Variants in PPP1R9A observed in about 807,000 individuals in gnomAD.
PPP1R9A encodes protein phosphatase 1 regulatory subunit 9A.
PPP1R9A carries 59 observed loss-of-function variants against 141.9 expected under a neutral mutation model. The ratio of observed to expected loss-of-function variants is 0.42; its 90% confidence interval spans 0.34 to 0.52. The LOEUF (loss-of-function observed/expected upper bound fraction) is 0.52. Among genes scored for constraint, PPP1R9A ranks in the 20% least tolerant of loss-of-function variants. The pLI is 0.10. For missense variants in PPP1R9A, 1,444 were observed against 1,611.9 expected (o/e 0.90, Z 1.78); for synonymous variants, 500 against 569.7 (o/e 0.88, Z 1.74).
At chr7:94,924,563 C>G (rs1793224094) in intron 2 of PPP1R9A, among the ~76,000 whole-genome samples, 1 of 152,172 alleles carries the variant, frequency 6.6e-6, no homozygotes, top group South Asian at 2.1e-4. Flanking sequence ...GAGTCTTGCT[C>G]TGTTGCCCAG....
In PPP1R9A at chr7:95,269,344, C is replaced by T. The variant is rs1801795866; in HGVS notation, c.2961C>T (p.Asp987=). 1 of 1,598,548 alleles carries T rather than the reference C, an allele frequency of 6.3e-7. No homozygotes were observed. Among genetic ancestry groups the T allele is most frequent in the Non-Finnish European group, 8.5e-7 (1 of 1,179,432 alleles). Residue 987 remains aspartate, a synonymous_variant, in exon 14 of 20, where the codon GAC becomes GAT. Coordinates refer to ENST00000433360, the MANE Select transcript of PPP1R9A (RefSeq NM_001166160.2). ...PVDSNVPFSS[D]HIAEFQEEPL... ...ATAGCAATGTGCCCTTCTCGTCTGA[C>T]CACATAGCTGAATTTCAAGAAGAAC...
At chr7:95,037,701 G>A (rs753822751) in intron 2 of PPP1R9A, among the ~76,000 whole-genome samples, 7 of 151,994 alleles carry the variant, frequency 4.6e-5, no homozygotes, top group Admixed American at 1.3e-4. Context: ...GTGTGTGTGC[G>A]TGCGCGCGTG....
intron 2 of PPP1R9A, among the ~76,000 whole-genome samples, chr7:95,099,827 C>T (rs1213282659): frequency 6.6e-6 from 1 of 152,008 alleles, no homozygotes; most frequent in Non-Finnish European, 1.5e-5. Flanking sequence ...TAAAAAAATA[C>T]TTTTCAAGTA....
intron 3 of PPP1R9A, among the ~76,000 whole-genome samples, chr7:95,111,848 G>C (rs370961257): frequency 2.6e-5 from 4 of 152,102 alleles, no homozygotes; most frequent in East Asian, 3.9e-4. Flanking sequence ...GAGGGGAGAA[G>C]GTTGAAAGAG....
chr7:95,031,622 G>T (rs1223823756), intron 2 of PPP1R9A, among the ~76,000 whole-genome samples: 3 of 151,980 alleles, frequency 2.0e-5, no homozygotes, highest in African/African-American at 4.8e-5. Flanking sequence ...TAGGCCTGAT[G>T]GTGTACACCT....
intron 2 of PPP1R9A, among the ~76,000 whole-genome samples, chr7:94,941,110 A>T (rs1484977934): frequency 6.6e-6 from 1 of 152,168 alleles, no homozygotes; most frequent in Non-Finnish European, 1.5e-5. Flanking sequence ...TAAAATTCAG[A>T]AGTCGCAGGA....
Position 95,124,800 on chromosome 7 carries a change from T to G in PPP1R9A, c.1649+3968T>G, listed in dbSNP as rs116045158. ...TCAAGGAATGTTAAATGAGCAGACA[T>G]GTATACATAGAAAGTTTTTTTTCTC... On this transcript the variant is annotated intron_variant, in intron 4 of 19. Coordinates refer to ENST00000433360, the MANE Select transcript of PPP1R9A (RefSeq NM_001166160.2). 8.7e-3 allele frequency among the ~76,000 whole-genome samples: 1,331 copies of G among 152,250 alleles called. 15 individuals carry two copies. The highest frequency in any genetic ancestry group is 0.031 in the African/African-American group (1,278 of 41,548).
intron 2 of PPP1R9A, among the ~76,000 whole-genome samples, chr7:95,037,950 T>TAAA (rs11438513): frequency 1.6e-4 from 22 of 140,108 alleles, no homozygotes; most frequent in African/African-American, 3.9e-4. Context: ...CAAAATAATT[T>TAAA]AAAAAAAAAA....
intron 2 of PPP1R9A, among the ~76,000 whole-genome samples, chr7:95,103,736 T>TAATAG (rs1184170040): frequency 6.6e-6 from 1 of 152,226 alleles, no homozygotes; most frequent in Non-Finnish European, 1.5e-5. Context: ...CTTTTTGTCC[T>TAATAG]AATAGACTTT....
At chr7:94,961,302 G>C (rs1797617625) in intron 2 of PPP1R9A, among the ~76,000 whole-genome samples, 1 of 151,506 alleles carries the variant, frequency 6.6e-6, no homozygotes, top group African/African-American at 2.4e-5. Context: ...TGGTTGTATT[G>C]AATGTTTTGT....
intron 7 of PPP1R9A, among the ~76,000 whole-genome samples, chr7:95,222,703 GATACCAATGGAA>G (rs1350675779): frequency 4.6e-5 from 7 of 152,096 alleles, no homozygotes; most frequent in Non-Finnish European, 7.4e-5. Context: ...AATAGAGCTA[GATACCAATGGAA>G]ATACTTTGTT....
chr7:95,240,211 T>A (rs1585410320), intron 8 of PPP1R9A, among the ~76,000 whole-genome samples: 1 of 152,196 alleles, frequency 6.6e-6, no homozygotes, highest in East Asian at 1.9e-4. Flanking sequence ...GTTTTAAGAG[T>A]GTTTTAAAGG....
intron 6 of PPP1R9A, among the ~76,000 whole-genome samples, chr7:95,200,323 G>A (rs1789270115): frequency 6.6e-6 from 1 of 151,022 alleles, no homozygotes; most frequent in Non-Finnish European, 1.5e-5. Flanking sequence ...CTGGAGTGCA[G>A]TGGTGCAAGC....
chr7:95,040,216 C>T (rs941795391), intron 2 of PPP1R9A, among the ~76,000 whole-genome samples: 5 of 151,988 alleles, frequency 3.3e-5, no homozygotes, highest in Middle Eastern at 3.4e-3. Flanking sequence ...AATAACTTCT[C>T]TCTCTCCCCC....
At chr7:94,957,740 T>C (rs1441510999) in intron 2 of PPP1R9A, among the ~76,000 whole-genome samples, 2 of 152,102 alleles carry the variant, frequency 1.3e-5, no homozygotes, top group African/African-American at 4.8e-5. Context: ...AATTGGTGCC[T>C]GAGATATCCT....
intron 2 of PPP1R9A, among the ~76,000 whole-genome samples, chr7:95,025,364 G>A (rs935373952): frequency 3.9e-5 from 6 of 151,978 alleles, no homozygotes; most frequent in South Asian, 2.1e-4. Flanking sequence ...TGTGCCTGGC[G>A]AAAATTCTTT....
intron 5 of PPP1R9A, among the ~76,000 whole-genome samples, chr7:95,174,214 T>A (rs1363106225): frequency 6.6e-6 from 1 of 152,112 alleles, no homozygotes; most frequent in Non-Finnish European, 1.5e-5. Flanking sequence ...ATCCTTTCAA[T>A]ACCATGTATG....
chr7:95,113,520 A>G (rs17305795), intron 3 of PPP1R9A, among the ~76,000 whole-genome samples: 43,276 of 152,134 alleles, frequency 0.28, 6,753 homozygotes, highest in South Asian at 0.47. Context: ...AAAAAATTCC[A>G]GGCCAAAAAA....
chr7:95,259,488 AG>A (rs370813530), intron 12 of PPP1R9A, among the ~76,000 whole-genome samples: 2 of 152,312 alleles, frequency 1.3e-5, no homozygotes, highest in African/African-American at 4.8e-5. Flanking sequence ...TATATCCATA[AG>A]GGTGCTCCTA....
Sources: allele counts gnomAD v4.1 joint callset (sites outside exome capture counted in the v4.1 genomes callset), GRCh38; gene constraint gnomAD v4.1.1; transcripts MANE v1.5; gene names NCBI Gene and HGNC (gene_info 2026-07-23, HGNC 2026-07-21).